CNTN5: variants seen among roughly 807,000 people sequenced by gnomAD.
The protein encoded by CNTN5 is contactin 5, also known as contactin-5.
CNTN5 carries 77 observed loss-of-function variants against 129.1 expected under a neutral mutation model. The ratio of observed to expected loss-of-function variants is 0.60; its 90% CI spans 0.50 to 0.72. The LOEUF is 0.72. Among genes scored for constraint, CNTN5 ranks in the 30% least tolerant of loss-of-function variants. CNTN5 has a pLI of 0.00. For missense variants in CNTN5, 1,478 were observed against 1,328.8 expected (o/e 1.11, Z -1.75); for synonymous variants, 509 against 465.6 (o/e 1.09, Z -1.20).
At chr11:99,964,746 T>C (rs569970425) in intron 8 of CNTN5, among the ~76,000 whole-genome samples, 81 of 152,252 alleles carry the variant, frequency 5.3e-4, no homozygotes, top group Non-Finnish European at 2.6e-4. Context: ...ACCAGCTCCT[T>C]CTTGTACCTC....
intron 3 of CNTN5, among the ~76,000 whole-genome samples, chr11:99,817,596 G>GTTTTGTTTT: frequency 1.0e-5 from 1 of 99,640 alleles, no homozygotes; most frequent in Non-Finnish European, 1.9e-5. Context: ...GTCTGGGATA[G>GTTTTGTTTT]TTTTTTTTTT....
intron 9 of CNTN5, among the ~76,000 whole-genome samples, chr11:100,039,189 G>T (rs1251740076): frequency 2.0e-5 from 3 of 152,078 alleles, no homozygotes; most frequent in Non-Finnish European, 4.4e-5. Context: ...CTCCACATTT[G>T]CTTGTCTGTA....
At chr11:99,352,698 G>A (rs1938380693) in intron 2 of CNTN5, among the ~76,000 whole-genome samples, 1 of 152,098 alleles carries the variant, frequency 6.6e-6, no homozygotes, top group African/African-American at 2.4e-5. Context: ...TATCTTCCCA[G>A]CCAAGAGGTA....
At chr11:99,532,067 G>T (rs1319900506) in intron 2 of CNTN5, among the ~76,000 whole-genome samples, 1 of 151,894 alleles carries the variant, frequency 6.6e-6, no homozygotes, top group Non-Finnish European at 1.5e-5. Context: ...GCCTGGAAAA[G>T]CCACAGACAG....
Position 100,290,903 on chromosome 11 carries a change from A to C in CNTN5, c.2315-6722A>C, listed in dbSNP as rs1034109505. On this transcript the variant is annotated intron_variant, in intron 18 of 24. Coordinates refer to ENST00000524871, the MANE Select transcript of CNTN5 (RefSeq NM_014361.4). ...CAGAATCTACAATGAACTCAAACAAATTTACAAGAAAAAAACAAACAACCC... is the reference window on the plus strand; with the variant it reads ...CAGAATCTACAATGAACTCAAACAACTTTACAAGAAAAAAACAAACAACCC... Among the ~76,000 whole-genome samples, 41 of 151,916 alleles carry C rather than the reference A, an allele frequency of 2.7e-4. 1 individual carries two copies. The highest frequency in any genetic ancestry group is 8.4e-4 in the African/African-American group (35 of 41,460).
intron 2 of CNTN5, among the ~76,000 whole-genome samples, chr11:99,368,237 AT>A (rs1320458397): frequency 3.1e-5 from 2 of 65,258 alleles, no homozygotes; most frequent in Non-Finnish European, 8.3e-5. Flanking sequence ...TAAAAATTTA[AT>A]TTTTATTAGG....
chr11:100,346,790 C>G (rs1039463251), intron 23 of CNTN5, among the ~76,000 whole-genome samples: 1 of 152,108 alleles, frequency 6.6e-6, no homozygotes, highest in African/African-American at 2.4e-5. Context: ...TCCATTTTCA[C>G]ATTGCTAATA....
At chr11:99,670,591 T>A (rs1233798732) in intron 3 of CNTN5, among the ~76,000 whole-genome samples, 1 of 152,320 alleles carries the variant, frequency 6.6e-6, no homozygotes, top group East Asian at 1.9e-4. Context: ...TCCTTCCTGA[T>A]TTAGGCTTTG....
rs1374420259 is a variant in CNTN5, at chr11:99,052,619, G to A, written c.-210+31349G>A. ...TTCGTGAAACATGACTGTATTTTTA[G>A]GAGTTTTAATTTCATTAAAGTGCTA... On this transcript the variant is annotated intron_variant, in intron 1 of 24. Coordinates refer to ENST00000524871, the MANE Select transcript of CNTN5 (RefSeq NM_014361.4). Among the ~76,000 whole-genome samples the A allele has an allele frequency of 2.0e-5, 3 of 151,896 alleles. 1 individual carries two copies. The highest frequency in any genetic ancestry group is 2.0e-4 in the Admixed American group (3 of 15,198).
intron 3 of CNTN5, among the ~76,000 whole-genome samples, chr11:99,625,646 TTAA>T (rs1310183655): frequency 6.6e-6 from 1 of 152,090 alleles, no homozygotes; most frequent in African/African-American, 2.4e-5. Context: ...TTAACAGCTA[TTAA>T]TAATAAATGA....
At chr11:100,043,764 A>T (rs1392688684) in intron 9 of CNTN5, among the ~76,000 whole-genome samples, 3 of 152,128 alleles carry the variant, frequency 2.0e-5, no homozygotes, top group Non-Finnish European at 4.4e-5. Context: ...CTTCCTGTCT[A>T]ACATAAATAG....
At chr11:100,299,131 G>T in intron 19 of CNTN5, 31 bp from the exon 20 acceptor site, 1 of 1,337,698 alleles carries the variant, frequency 7.5e-7, no homozygotes. Context: ...CAATCATTTT[G>T]CTGATAATTA....
At chr11:99,572,157 T>C (rs576516590) in intron 3 of CNTN5, among the ~76,000 whole-genome samples, 6 of 152,140 alleles carry the variant, frequency 3.9e-5, no homozygotes, top group Non-Finnish European at 8.8e-5. Flanking sequence ...TTTTCAGAGA[T>C]GTAAAATAGG....
At chr11:100,000,542 G>A (rs1360358648) in intron 8 of CNTN5, among the ~76,000 whole-genome samples, 1 of 152,168 alleles carries the variant, frequency 6.6e-6, no homozygotes, top group Non-Finnish European at 1.5e-5. Context: ...AGTGCCTATG[G>A]CTTTTCTGGG....
chr11:99,180,524 C>G (rs1178587379), intron 1 of CNTN5, among the ~76,000 whole-genome samples: 1 of 152,112 alleles, frequency 6.6e-6, no homozygotes, highest in Non-Finnish European at 1.5e-5. Context: ...CTATTGTTTT[C>G]CGATAACTAA....
At chr11:100,023,250 T>C (rs1941255332) in intron 9 of CNTN5, among the ~76,000 whole-genome samples, 1 of 152,228 alleles carries the variant, frequency 6.6e-6, no homozygotes, top group African/African-American at 2.4e-5. Context: ...TCAAATTTAC[T>C]AATTTTCTTT....
At chr11:99,473,906 A>T (rs1485933505) in intron 2 of CNTN5, among the ~76,000 whole-genome samples, 1 of 152,096 alleles carries the variant, frequency 6.6e-6, no homozygotes, top group Non-Finnish European at 1.5e-5. Context: ...AGCTTGCCAC[A>T]CTGGCTAGAG....
At chr11:99,533,947 A>G (rs77018239) in intron 2 of CNTN5, among the ~76,000 whole-genome samples, 2,472 of 152,322 alleles carry the variant, frequency 0.016, 110 homozygotes, top group Admixed American at 0.093. Flanking sequence ...AGACCTGGGG[A>G]TGCTGAAGAA....
At chr11:99,266,866 G>T (rs904918080) in intron 1 of CNTN5, among the ~76,000 whole-genome samples, 3 of 151,944 alleles carry the variant, frequency 2.0e-5, no homozygotes, top group Non-Finnish European at 4.4e-5. Flanking sequence ...ATAAGTATGC[G>T]CAACCTCAAA....
Sources: allele counts gnomAD v4.1 joint callset (sites outside exome capture counted in the v4.1 genomes callset), GRCh38; gene constraint gnomAD v4.1.1; transcripts MANE v1.5; gene names NCBI Gene and HGNC (gene_info 2026-07-23, HGNC 2026-07-21).